Variants in DNAJB8 observed in about 807,000 individuals in gnomAD.
DNAJB8 encodes the protein DnaJ heat shock protein family (Hsp40) member B8, also known as dnaJ homolog subfamily B member 8.
For missense variants in DNAJB8, 354 were observed against 318.9 expected (o/e 1.11, Z -0.84); for synonymous variants, 127 against 127.1 (o/e 1.00, Z 0.00).
Position 128,463,556 on chromosome 3 carries a change from T to C in DNAJB8, c.-311A>G. 1 of 233,458 alleles carries C rather than the reference T, an allele frequency of 4.3e-6. No homozygotes were observed. The highest frequency in any genetic ancestry group is 9.0e-6 in the Non-Finnish European group (1 of 110,526). The allele number at this position is 233,458 out of a possible 1,614,324, so 14.5% of individuals were successfully genotyped here. On this transcript the variant is annotated 5_prime_UTR_variant, in exon 3 of 3. An upstream start codon of the reference 5' UTR is lost. Coordinates refer to ENST00000319153, the MANE Select transcript of DNAJB8 (RefSeq NM_153330.6). Reference sequence around the variant, plus strand: ...TGACGTCAGCTCCCGGGGCGGGGCATACCCCCGCCCCCAGCTCCTCACCAG... The same window carrying C: ...TGACGTCAGCTCCCGGGGCGGGGCACACCCCCGCCCCCAGCTCCTCACCAG...
rs2068485992 is a variant in DNAJB8, at chr3:128,463,451, C to T, written c.-206G>A. 1 of 516,640 alleles carries T rather than the reference C, an allele frequency of 1.9e-6. No homozygotes were observed. The highest frequency in any genetic ancestry group is 3.2e-5 in the East Asian group (1 of 31,714). The allele number at this position is 516,640 out of a possible 1,614,324, so 32.0% of individuals were successfully genotyped here. ...TTCTCAGGGACTGGAGGGGCCCCCA[C>T]TGAGAGGAGTGGGGGGAGGGGAGGG... On this transcript the variant is annotated 5_prime_UTR_variant, in exon 3 of 3. In the 5' UTR this introduces an upstream ATG that the reference lacks. Coordinates refer to ENST00000319153, the MANE Select transcript of DNAJB8 (RefSeq NM_153330.6).
chr3:128,463,527 T>G lies in DNAJB8; in HGVS notation c.-282A>C. 1 of 319,296 alleles carries G rather than the reference T, an allele frequency of 3.1e-6. No homozygotes were observed. Among genetic ancestry groups the G allele is most frequent in the South Asian group, 9.5e-5 (1 of 10,476 alleles). 19.8% of individuals were successfully genotyped at this position (319,296 alleles called of 1,614,324 possible). The stretch of plus-strand genomic sequence containing the variant: ...GAGTGGGCTGCCCTCCAGAGCTCCT[T>G]TTATGACGTCAGCTCCCGGGGCGGG... On this transcript the variant is annotated 5_prime_UTR_variant, in exon 3 of 3. Transcript: ENST00000319153.
At chr3:128,464,895 C>T (rs2068500828) in intron 2 of DNAJB8, among the ~76,000 whole-genome samples, 1 of 142,646 alleles carries the variant, frequency 7.0e-6, no homozygotes, top group African/African-American at 2.6e-5. Context: ...TCCTTCCTTC[C>T]TTCCTCCCTT....
rs201269625 is a variant in DNAJB8, at chr3:128,463,252, G to C, written c.-7C>G. ...CTTCGTAGTAGTTAGCCATGGCCAG[G>C]GGTGTGGGTGAGAGGAGAGGGAACG... is the stretch of plus-strand genomic sequence containing the variant. On this transcript the variant is annotated 5_prime_UTR_variant, in exon 3 of 3. Coordinates refer to ENST00000319153, the MANE Select transcript of DNAJB8 (RefSeq NM_153330.6). 1.2e-6 allele frequency: 2 copies of C among 1,603,736 alleles called. No individual in the cohort carries two copies. Among genetic ancestry groups the C allele is most frequent in the Non-Finnish European group, 1.7e-6 (2 of 1,173,440 alleles).
chr3:128,462,520 G>A lies in DNAJB8; in HGVS notation c.*27C>T, dbSNP rs2107659857. ...CTGCCCCATGCACGGTGGTGGTGGTGGGAAGGCAGGGCCGGGTGGCCAGCG... is the reference window on the plus strand; with the variant it reads ...CTGCCCCATGCACGGTGGTGGTGGTAGGAAGGCAGGGCCGGGTGGCCAGCG... On this transcript the variant is annotated 3_prime_UTR_variant, in exon 3 of 3. Transcript: ENST00000319153. 1.3e-6 allele frequency: 2 copies of A among 1,577,578 alleles called. No individual in the cohort carries two copies. Among genetic ancestry groups the A allele is most frequent in the Non-Finnish European group, 8.6e-7 (1 of 1,158,958 alleles).
Position 128,462,613 on chromosome 3 carries a change from T to G in DNAJB8, c.633A>C (p.Glu211Asp). ...ENGQERVEVE[E>D]DGQLKSVTVN... ...CAGTCACCGACTTGAGCTGCCCGTCTTCCTCCACCTCCACGCGCTCCTGCC... is the reference window on the plus strand; with the variant it reads ...CAGTCACCGACTTGAGCTGCCCGTCGTCCTCCACCTCCACGCGCTCCTGCC... The change falls in exon 3 of 3, where the codon GAA (glutamate) becomes GAC (aspartate). Residue 211 changes from glutamate (E) to aspartate (D), a missense_variant. Transcript: ENST00000319153. The G allele has an allele frequency of 6.2e-7, 1 of 1,613,864 alleles. No homozygotes were observed. The highest frequency in any genetic ancestry group is 1.1e-5 in the South Asian group (1 of 91,082).
rs1277158832 is a variant in DNAJB8, at chr3:128,463,194, C to T, written c.52G>A (p.Asp18Asn). The T allele has an allele frequency of 5.0e-6, 8 of 1,614,024 alleles. No homozygotes were observed. Among genetic ancestry groups the T allele is most frequent in the Admixed American group, 1.7e-5 (1 of 60,008 alleles). ...AGCTTGCGGTAGGCTTTCTTGATGT[C>T]CTCCGGGGAAGCGCTGGCCTGCACG... The part of the protein sequence containing the change: ...LGVQASASPE[D>N]IKKAYRKLAL... Residue 18 changes from aspartate to asparagine, a missense_variant, in exon 3 of 3, where the codon GAC becomes AAC. Coordinates refer to ENST00000319153, the MANE Select transcript of DNAJB8 (RefSeq NM_153330.6).
intron 1 of DNAJB8, chr3:128,465,848 A>G (rs531814818): frequency 1.3e-5 from 2 of 152,486 alleles, no homozygotes; most frequent in Admixed American, 6.5e-5. Flanking sequence ...CTAGTGAGCC[A>G]TTGGTGTGGT....
rs528059610 is a variant in DNAJB8 at position 128,463,663 on chromosome 3, T to C, written c.-418A>G. On this transcript the variant is annotated 5_prime_UTR_variant, in exon 3 of 3. Transcript: ENST00000319153. The stretch of plus-strand genomic sequence containing the variant: ...GGAATGGGATGCTCTGTGACCCAGG[T>C]GGTGTGGGCTGAGTCCCGGGAGCCA... 13 of 173,814 alleles carry C rather than the reference T, an allele frequency of 7.5e-5. No individual in the cohort carries two copies. Among genetic ancestry groups the C allele is most frequent in the Admixed American group, 6.1e-4 (10 of 16,478 alleles). 10.8% of individuals were successfully genotyped at this position (173,814 alleles called of 1,614,324 possible).
intron 1 of DNAJB8, chr3:128,466,315 T>C (rs1313332220): frequency 6.6e-6 from 1 of 152,384 alleles, no homozygotes; most frequent in Non-Finnish European, 1.5e-5. Context: ...CTCCAACATA[T>C]GCCAGATGCT....
intron 2 of DNAJB8, among the ~76,000 whole-genome samples, chr3:128,464,819 C>T (rs533098588): frequency 2.2e-4 from 30 of 138,268 alleles, no homozygotes; most frequent in African/African-American, 7.1e-4. Context: ...CCTTCCCTTC[C>T]GTTCCCTGCC....
At chr3:128,465,564 G>A (rs1382774974) in intron 1 of DNAJB8, 128 bp from the exon 2 acceptor site, 1 of 152,442 alleles carries the variant, frequency 6.6e-6, no homozygotes, top group Non-Finnish European at 1.5e-5. Flanking sequence ...GATGGATAAG[G>A]TGTCATTATA....
rs111696378 is a variant in DNAJB8, at chr3:128,466,595, A to T, written c.-1027+19T>A. 6.6e-6 allele frequency: 1 copy of T among 152,314 alleles called. No individual in the cohort carries two copies. Among genetic ancestry groups the T allele is most frequent in the African/African-American group, 2.4e-5 (1 of 41,394 alleles). The allele number at this position is 152,314 out of a possible 1,614,324, so 9.4% of individuals were successfully genotyped here. A position where few individuals can be genotyped will look rare whatever the true frequency, so the allele number is the denominator to read the frequency against. On this transcript the variant is annotated intron_variant, in intron 1 of 2. Transcript: ENST00000319153. ...GTGGGGCTCTGTATTTTCTGTTGCT[A>T]ACTTGGCATTACACCAACCTCTTCC...
rs1484300948 is a variant in DNAJB8, at chr3:128,463,133, T to C, written c.113A>G (p.Asn38Ser). 1 of 1,614,138 alleles carries C rather than the reference T, an allele frequency of 6.2e-7. No individual in the cohort carries two copies. The highest frequency in any genetic ancestry group is 1.7e-5 in the Admixed American group (1 of 60,028). The stretch of plus-strand genomic sequence containing the variant: ...GAACTTCTTCTCCGCCTCCTCCTTA[T>C]TGTCAGGGTTCTTGTCGGGGTGCCA... ...LRWHPDKNPD[N>S]KEEAEKKFKL... Residue 38 changes from asparagine (N) to serine (S), a missense_variant, in exon 3 of 3, where the codon AAT (asparagine) becomes AGT (serine). Asn to Ser is a conservative substitution (Grantham distance 46, BLOSUM62 1). Transcript: ENST00000319153.
At chr3:128,465,141 C>A in intron 2 of DNAJB8, 135 bp downstream of exon 2, 1 of 152,296 alleles carries the variant, frequency 6.6e-6, no homozygotes, top group Non-Finnish European at 1.5e-5. Context: ...GTGTTCTAAC[C>A]AATCCCAAAT....
At chr3:128,464,914 C>G (rs1320374387) in intron 2 of DNAJB8, among the ~76,000 whole-genome samples, 1 of 146,946 alleles carries the variant, frequency 6.8e-6, no homozygotes, top group Non-Finnish European at 1.5e-5. Flanking sequence ...TTTCTCCTTC[C>G]TTCCTTCTTT....
At position 128,466,771 on chromosome 3, in the gene DNAJB8, G is replaced by T. The variant is rs1250607230; in HGVS notation, c.-1184C>A. ...GGTGACAATGGTGAGCTTTGCAACAGCTCGGGGCAATCTTCTGCGAAGACC... is the reference window on the plus strand; with the variant it reads ...GGTGACAATGGTGAGCTTTGCAACATCTCGGGGCAATCTTCTGCGAAGACC... On this transcript the variant is annotated 5_prime_UTR_variant, in exon 1 of 3. In the 5' UTR this introduces an upstream ATG that the reference lacks. Transcript: ENST00000319153. 6 of 152,182 alleles carry T rather than the reference G, an allele frequency of 3.9e-5. No individual in the cohort carries two copies. Among genetic ancestry groups the T allele is most frequent in the Non-Finnish European group, 8.8e-5 (6 of 68,042 alleles). The allele number at this position is 152,182 out of a possible 1,614,324, so 9.4% of individuals were successfully genotyped here. A position where few individuals can be genotyped will look rare whatever the true frequency, so the allele number is the denominator to read the frequency against.
Position 128,462,563 on chromosome 3 carries a change from C to A in DNAJB8, c.683G>T (p.Trp228Leu), listed in dbSNP as rs752372025. 1.2e-6 allele frequency: 2 copies of A among 1,607,148 alleles called. No individual in the cohort carries two copies. The highest frequency in any genetic ancestry group is 2.7e-5 in the African/African-American group (2 of 74,838). ...GGCCAGCGCCTACTTGCTGTCCATCCATTTGAGCTGCTCCTTGCCGTTCAC... is the reference window on the plus strand; with the variant it reads ...GGCCAGCGCCTACTTGCTGTCCATCAATTTGAGCTGCTCCTTGCCGTTCAC... Reference protein sequence around the residue: ...VTVNGKEQLKWMDSK With the variant: ...VTVNGKEQLKLMDSK Residue 228 changes from tryptophan (W) to leucine (L), a missense_variant, in exon 3 of 3, where the codon TGG (tryptophan) becomes TTG (leucine). Transcript: ENST00000319153.
intron 1 of DNAJB8, chr3:128,465,933 A>G (rs2068509706): frequency 6.6e-6 from 1 of 152,194 alleles, no homozygotes; most frequent in African/African-American, 2.4e-5. Flanking sequence ...TTGTTCGGCT[A>G]TACCACAGTG....
Sources: allele counts gnomAD v4.1 joint callset (sites outside exome capture counted in the v4.1 genomes callset), GRCh38; gene constraint gnomAD v4.1.1; transcripts MANE v1.5; gene names NCBI Gene and HGNC (gene_info 2026-07-23, HGNC 2026-07-21).